The following NIPAL2 variants were observed in gnomAD, a reference collection of about 807,000 sequenced individuals.
NIPAL2 encodes NIPA-like protein 2.
A neutral mutation model predicts 48.9 loss-of-function variants in NIPAL2; 43 were observed. The ratio of observed to expected loss-of-function variants is 0.88; its 90% CI spans 0.69 to 1.13. The LOEUF is 1.13. Ranked by LOEUF, NIPAL2 falls within the 50% of genes most tolerant of loss-of-function variation. NIPAL2 has a pLI of 0.00. For missense variants in NIPAL2, 446 were observed against 461.4 expected, an observed-to-expected ratio of 0.97 and a Z score of 0.31; for synonymous variants, 167 against 174.6, an observed-to-expected ratio of 0.96 and a Z score of 0.34.
chr8:98,203,102 A>T lies in NIPAL2; in HGVS notation c.880+6T>A. 6.2e-7 allele frequency: 1 copy of T among 1,608,908 alleles called. No individual in the cohort carries two copies. On this transcript the variant is annotated splice_donor_region_variant and intron_variant, in intron 8 of 10. Coordinates refer to ENST00000430223, the MANE Select transcript of NIPAL2 (RefSeq NM_001321635.2). ...AATCACCAATGTATAGAAAACCAAAACTCACCTGCAATGATGGCACTGATT... is the reference window on the plus strand; with the variant it reads ...AATCACCAATGTATAGAAAACCAAATCTCACCTGCAATGATGGCACTGATT...
chr8:98,281,259 G>A (rs2130902148), intron 1 of NIPAL2, among the ~76,000 whole-genome samples: 1 of 152,178 alleles, frequency 6.6e-6, no homozygotes, highest in Admixed American at 6.5e-5. Flanking sequence ...ACTGCTAAAT[G>A]TTAGGTCCTA....
At chr8:98,282,301 C>T (rs866280380) in intron 1 of NIPAL2, among the ~76,000 whole-genome samples, 11 of 152,000 alleles carry the variant, frequency 7.2e-5, no homozygotes, top group African/African-American at 1.5e-4. Context: ...GATCCGTAGG[C>T]GGTGCTAAGA....
chr8:98,195,882 GA>G, intron 9 of NIPAL2, 59 bp downstream of exon 9: 1 of 1,265,062 alleles, frequency 7.9e-7, no homozygotes, highest in Admixed American at 2.0e-5. Flanking sequence ...GTACAATGCC[GA>G]AAATCCTACG....
At chr8:98,289,423 C>T (rs1195595484) in intron 1 of NIPAL2, among the ~76,000 whole-genome samples, 5 of 152,130 alleles carry the variant, frequency 3.3e-5, no homozygotes, top group East Asian at 1.9e-4. Flanking sequence ...ACAAGGGCCC[C>T]GGGGACTTAT....
Position 98,206,698 on chromosome 8 carries a change from GA to G in NIPAL2, c.656-1453del, listed in dbSNP as rs1811056276. Among the ~76,000 whole-genome samples, 9 of 149,916 alleles carry G rather than the reference GA, an allele frequency of 6.0e-5. No individual in the cohort carries two copies. In the South Asian group the frequency reaches 1.9e-3, roughly 31 times the overall value. On this transcript the variant is annotated intron_variant, in intron 6 of 10. Transcript: ENST00000430223. ...AGCTACTCGGGAGGCTGAGGCAGGA[GA>G]ATGGCGTGAACCCAGGAGGCGGAGT...
intron 4 of NIPAL2, among the ~76,000 whole-genome samples, chr8:98,226,968 C>G (rs1317917042): frequency 1.3e-5 from 2 of 152,182 alleles, no homozygotes; most frequent in African/African-American, 4.8e-5. Context: ...TAGGCTGACA[C>G]CAAAACCACA....
intron 4 of NIPAL2, among the ~76,000 whole-genome samples, chr8:98,226,038 A>G (rs926693867): frequency 6.6e-5 from 10 of 151,338 alleles, no homozygotes; most frequent in Non-Finnish European, 1.3e-4. Context: ...GCATTTTTCA[A>G]CTCCAGAATT....
chr8:98,210,310 ATAAT>A (rs74275392), intron 6 of NIPAL2, among the ~76,000 whole-genome samples: 16,460 of 152,228 alleles, frequency 0.11, 1,084 homozygotes, highest in Non-Finnish European at 0.15. Context: ...TGCTTTAATA[ATAAT>A]TTAAAAATAT....
chr8:98,203,064 C>G, intron 8 of NIPAL2, 44 bp downstream of exon 8: 1 of 1,431,820 alleles, frequency 7.0e-7, no homozygotes, highest in Non-Finnish European at 9.9e-7. Context: ...GGAGAAACTT[C>G]ATTTATGCTT....
At chr8:98,280,788 A>AGAGAGAGAGAGAGAGAGAGAGG in intron 1 of NIPAL2, among the ~76,000 whole-genome samples, 1 of 142,698 alleles carries the variant, frequency 7.0e-6, no homozygotes, top group Admixed American at 7.0e-5. Flanking sequence ...AGAGAGAGAG[A>AGAGAGAGAGAGAGAGAGAGAGG]GAGAAAGCGA....
intron 1 of NIPAL2, among the ~76,000 whole-genome samples, chr8:98,276,969 C>G (rs1416833131): frequency 6.6e-6 from 1 of 151,872 alleles, no homozygotes; most frequent in Non-Finnish European, 1.5e-5. Context: ...GGGGTTTCAC[C>G]CTGTTGGCCA....
chr8:98,278,161 G>T (rs1316406122), intron 1 of NIPAL2, among the ~76,000 whole-genome samples: 5 of 152,032 alleles, frequency 3.3e-5, no homozygotes, highest in Non-Finnish European at 5.9e-5. Context: ...TCTAATTGTT[G>T]CTCCTTTGTA....
intron 4 of NIPAL2, among the ~76,000 whole-genome samples, chr8:98,223,920 GA>G (rs1402276928): frequency 2.6e-5 from 4 of 151,806 alleles, no homozygotes; most frequent in African/African-American, 9.7e-5. Context: ...CTTTTCTTTG[GA>G]AAAAAAATTA....
chr8:98,275,948 T>G (rs987434069), intron 1 of NIPAL2, among the ~76,000 whole-genome samples: 1 of 152,198 alleles, frequency 6.6e-6, no homozygotes, highest in Non-Finnish European at 1.5e-5. Context: ...TATTATTTTT[T>G]AGAGCAGTTT....
At chr8:98,269,823 T>C (rs532605436) in intron 1 of NIPAL2, among the ~76,000 whole-genome samples, 101 of 152,254 alleles carry the variant, frequency 6.6e-4, no homozygotes, top group African/African-American at 2.2e-3. Context: ...ATAGGCAGTT[T>C]TTTTAACTCT....
At position 98,205,139 on chromosome 8, in the gene NIPAL2, T is replaced by C. The variant is rs1330394687; in HGVS notation, c.763A>G (p.Met255Val). ...ACTTGGAAAACACAAGATGCTATCA[T>C]GATGATAAACATGATATAGAAAATG... ...YPIFYIMFII[M>V]IASCVFQVKF... The change falls in exon 7 of 11, where the codon ATG (methionine) becomes GTG (valine). Residue 255 changes from methionine to valine, a missense_variant. Met to Val is a conservative substitution (Grantham distance 21). Transcript: ENST00000430223. 2.5e-6 allele frequency: 4 copies of C among 1,613,806 alleles called. No homozygotes were observed. Among genetic ancestry groups the C allele is most frequent in the East Asian group, 4.5e-5 (2 of 44,864 alleles).
intron 1 of NIPAL2, among the ~76,000 whole-genome samples, chr8:98,267,063 G>T (rs1814817836): frequency 6.6e-6 from 1 of 151,404 alleles, no homozygotes; most frequent in South Asian, 2.1e-4. Flanking sequence ...TTGCCTCAGG[G>T]TGTATGCACC....
chr8:98,249,264 T>G (rs1370645058), intron 3 of NIPAL2, among the ~76,000 whole-genome samples: 4 of 152,144 alleles, frequency 2.6e-5, no homozygotes, highest in Non-Finnish European at 5.9e-5. Flanking sequence ...AGAACACCTA[T>G]GAATCTACCT....
chr8:98,257,917 T>C (rs745899131), intron 1 of NIPAL2, among the ~76,000 whole-genome samples: 2 of 152,218 alleles, frequency 1.3e-5, no homozygotes, highest in Admixed American at 6.5e-5. Flanking sequence ...GCACATCTTA[T>C]GTGTATTGAT....
Sources: allele counts gnomAD v4.1 joint callset (sites outside exome capture counted in the v4.1 genomes callset), GRCh38; gene constraint gnomAD v4.1.1; transcripts MANE v1.5; gene names NCBI Gene and HGNC (gene_info 2026-07-23, HGNC 2026-07-21).